Variants in RRBP1 observed in about 807,000 individuals in gnomAD.
The protein encoded by RRBP1 is ribosome-binding protein 1.
In RRBP1, 94 loss-of-function variants were observed where a neutral mutation model predicts 165.2. The ratio of observed to expected loss-of-function variants is 0.57; its 90% CI spans 0.48 to 0.68. The LOEUF (loss-of-function observed/expected upper bound fraction) is 0.68. Among genes scored for constraint, RRBP1 ranks in the 30% least tolerant of loss-of-function variants. The pLI is 0.00. For missense variants in RRBP1, 1,676 were observed against 1,763.0 expected (o/e 0.95, Z 0.88); for synonymous variants, 680 against 714.5 (o/e 0.95, Z 0.77).
intron 5 of RRBP1, among the ~76,000 whole-genome samples, chr20:17,639,199 C>G (rs2036301876): frequency 6.6e-6 from 1 of 152,220 alleles, no homozygotes; most frequent in African/African-American, 2.4e-5. Flanking sequence ...CCAAGAGATT[C>G]TCAGACAGCC....
chr20:17,664,697 G>A (rs2036836534), intron 2 of RRBP1, among the ~76,000 whole-genome samples: 1 of 152,234 alleles, frequency 6.6e-6, no homozygotes. Context: ...TGGCAGCTGG[G>A]ATTTTGGTAG....
chr20:17,675,388 T>C (rs1453104798), intron 2 of RRBP1, among the ~76,000 whole-genome samples: 1 of 152,220 alleles, frequency 6.6e-6, no homozygotes, highest in Non-Finnish European at 1.5e-5. Context: ...ACCTATTGCA[T>C]GCTAGTCACT....
At chr20:17,639,677 T>C (rs904229493) in intron 5 of RRBP1, among the ~76,000 whole-genome samples, 1 of 152,142 alleles carries the variant, frequency 6.6e-6, no homozygotes, top group Non-Finnish European at 1.5e-5. Flanking sequence ...GCGGATCACC[T>C]GAGGTCGGGA....
chr20:17,668,213 T>C (rs1224214131), intron 2 of RRBP1, among the ~76,000 whole-genome samples: 1 of 152,206 alleles, frequency 6.6e-6, no homozygotes, highest in Non-Finnish European at 1.5e-5. Flanking sequence ...TATTCCTTCC[T>C]GGTAGAGCTC....
intron 3 of RRBP1, among the ~76,000 whole-genome samples, chr20:17,653,794 A>G (rs6105787): frequency 0.014 from 2,022 of 149,776 alleles, 52 homozygotes; most frequent in African/African-American, 0.047. Flanking sequence ...AGATCGTGCC[A>G]TTACATGCCA....
chr20:17,641,244 C>T (rs565665297), intron 5 of RRBP1, among the ~76,000 whole-genome samples: 2 of 152,364 alleles, frequency 1.3e-5, no homozygotes, highest in South Asian at 4.1e-4. Context: ...AACCCACCAC[C>T]GTTTGCTGTT....
At chr20:17,661,165 C>CTT (rs2036759274) in intron 2 of RRBP1, among the ~76,000 whole-genome samples, 1 of 152,260 alleles carries the variant, frequency 6.6e-6, no homozygotes, top group African/African-American at 2.4e-5. Flanking sequence ...GCCATCTCCA[C>CTT]TCTGTTGTTT....
In RRBP1 at chr20:17,614,820, G is replaced by A; in HGVS notation, c.4111C>T (p.Gln1371Ter). The A allele has an allele frequency of 6.2e-7, 1 of 1,613,826 alleles. No homozygotes were observed. Among genetic ancestry groups the A allele is most frequent in the Non-Finnish European group, 8.5e-7 (1 of 1,179,998 alleles). ...SDLGRAATRL[Q>*]ELLKTTQEQL... ...TCCTGGGTCGTCTTCAGAAGCTCCT[G>A]CAGTCTCGTGGCGGCGCGCCCCAGG... The change falls in exon 24 of 25, where the codon CAG becomes TAG. Residue 1371 changes from glutamine to a stop codon, truncating the protein, a stop_gained. Coordinates refer to ENST00000377813, the MANE Select transcript of RRBP1 (RefSeq NM_001365613.2). LOFTEE classifies it high-confidence loss of function.
At chr20:17,670,359 T>TA (rs2036952563) in intron 2 of RRBP1, among the ~76,000 whole-genome samples, 1 of 151,780 alleles carries the variant, frequency 6.6e-6, no homozygotes, top group Admixed American at 6.6e-5. Flanking sequence ...TCAAGTTTTG[T>TA]AACAAGGTTG....
intron 2 of RRBP1, among the ~76,000 whole-genome samples, chr20:17,669,577 G>A (rs1399914402): frequency 6.6e-6 from 1 of 152,156 alleles, no homozygotes; most frequent in Non-Finnish European, 1.5e-5. Context: ...TATCATATCA[G>A]CATCGTATGT....
chr20:17,634,343 G>A (rs996172748), intron 7 of RRBP1, among the ~76,000 whole-genome samples: 35 of 151,894 alleles, frequency 2.3e-4, no homozygotes, highest in African/African-American at 8.0e-4. Flanking sequence ...ACCGGGCTGA[G>A]GCTAGATTTG....
chr20:17,635,682 A>G lies in RRBP1; in HGVS notation c.2338-18T>C. On this transcript the variant is annotated intron_variant, in intron 6 of 24. Transcript: ENST00000377813. ...GTCCGGATCTGGAAAGTCACGGGCA[A>G]GGGCATCAGAGGCAGCTCGGCCTCA... 1 of 1,587,960 alleles carries G rather than the reference A, an allele frequency of 6.3e-7. No homozygotes were observed. The highest frequency in any genetic ancestry group is 8.6e-7 in the Non-Finnish European group (1 of 1,157,366).
intron 21 of RRBP1, 79 bp downstream of exon 21, chr20:17,616,652 GT>G (rs762818160): frequency 2.1e-6 from 2 of 950,080 alleles, no homozygotes; most frequent in South Asian, 1.4e-5. Context: ...CCAGTGCGGG[GT>G]TTAGTCCGAA....
chr20:17,645,219 G>A (rs1012492659), intron 3 of RRBP1, among the ~76,000 whole-genome samples: 7 of 152,194 alleles, frequency 4.6e-5, no homozygotes, highest in East Asian at 1.9e-4. Context: ...GCTCTAGGAC[G>A]CCGCTTCCTG....
At chr20:17,636,829 C>G in intron 5 of RRBP1, 100 bp from the exon 6 acceptor site, 1 of 1,451,366 alleles carries the variant, frequency 6.9e-7, no homozygotes, top group Non-Finnish European at 9.4e-7. Flanking sequence ...GGCTGGAGAG[C>G]AGAGCACAGA....
intron 11 of RRBP1, among the ~76,000 whole-genome samples, 194 bp from the exon 12 acceptor site, chr20:17,625,796 T>TC (rs1555812489): frequency 7.6e-6 from 1 of 131,588 alleles, no homozygotes; most frequent in Non-Finnish European, 1.7e-5. Context: ...CACCCTCCCC[T>TC]CCCCCCGCCA....
rs372646610 is a variant in RRBP1 at position 17,658,615 on chromosome 20, T to C, written c.1893A>G (p.Ser631=). 9.1e-5 allele frequency: 145 copies of C among 1,593,520 alleles called. No homozygotes were observed. Among genetic ancestry groups the C allele is most frequent in the Non-Finnish European group, 1.2e-4 (141 of 1,172,154 alleles). The part of the protein sequence containing the change: ...QEAPAKKKSG[S]KKKGEPGPPD... Reference sequence around the variant, plus strand: ...ACTTACCAGGCTCACCTTTTTTCTTTGAACCAGACTTCTTCTTGGCAGGAG... The same window carrying C: ...ACTTACCAGGCTCACCTTTTTTCTTCGAACCAGACTTCTTCTTGGCAGGAG... Residue 631 remains serine (S), a synonymous_variant, in exon 3 of 25, where the codon TCA becomes TCG. Transcript: ENST00000377813.
At chr20:17,617,498 C>G (rs1384707452) in intron 20 of RRBP1, among the ~76,000 whole-genome samples, 1 of 152,248 alleles carries the variant, frequency 6.6e-6, no homozygotes, top group Non-Finnish European at 1.5e-5. Context: ...AGACATTCTT[C>G]CCTCCCTCTG....
intron 3 of RRBP1, among the ~76,000 whole-genome samples, chr20:17,657,989 A>G (rs944274322): frequency 6.6e-6 from 1 of 152,260 alleles, no homozygotes; most frequent in Non-Finnish European, 1.5e-5. Flanking sequence ...GCAGCCAGAC[A>G]GTTAAGAAAG....
Sources: gnomAD v4.1 joint callset for allele counts (sites outside exome capture counted in the v4.1 genomes callset) on GRCh38, gnomAD v4.1.1 for gene constraint, MANE v1.5 for transcripts, NCBI Gene and HGNC (gene_info 2026-07-23, HGNC 2026-07-21) for gene names.